Variants in DLG2 observed in about 807,000 individuals in gnomAD.
The protein encoded by DLG2 is disks large homolog 2.
In DLG2, 45 loss-of-function variants were observed where a neutral mutation model predicts 132.5. The ratio of observed to expected loss-of-function variants is 0.34; its 90% CI spans 0.27 to 0.44. The LOEUF (loss-of-function observed/expected upper bound fraction) is 0.44, where lower values mean the gene tolerates loss of function less well. Ranked by LOEUF, DLG2 falls within the 20% of genes least tolerant of loss-of-function variation. DLG2 has a pLI of 1.00. For synonymous variants in DLG2, 424 were observed against 419.6 expected, an observed-to-expected ratio of 1.01 and a Z score of -0.13; for missense variants, 1,045 against 1,196.9, an observed-to-expected ratio of 0.87 and a Z score of 1.87.
In DLG2 at chr11:84,502,254, C is replaced by T. The variant is rs1376822456; in HGVS notation, c.519+32316G>A. On this transcript the variant is annotated intron_variant, in intron 7 of 27. Coordinates refer to ENST00000376104, the MANE Select transcript of DLG2 (RefSeq NM_001142699.3). ...TCCTTCCTTCCTTCCTTCCTTCCTTCCTTCCTTCCTTCCTTCCTTCCTTCC... is the reference window on the plus strand; with the variant it reads ...TCCTTCCTTCCTTCCTTCCTTCCTTTCTTCCTTCCTTCCTTCCTTCCTTCC... Among the ~76,000 whole-genome samples, 5 of 43,126 alleles carry T rather than the reference C, an allele frequency of 1.2e-4. 1 individual carries two copies. Among genetic ancestry groups the T allele is most frequent in the African/African-American group, 6.9e-4 (2 of 2,912 alleles). The allele number at this position is 43,126 out of a possible 152,430, so 28.3% of individuals were successfully genotyped here.
intron 17 of DLG2, among the ~76,000 whole-genome samples, chr11:83,805,426 TATC>T (rs1169275581): frequency 6.6e-6 from 1 of 151,996 alleles, no homozygotes; most frequent in Non-Finnish European, 1.5e-5. Flanking sequence ...ATTTTTTATA[TATC>T]ATATTAGAAT....
At chr11:85,022,541 C>T (rs936157946) in intron 6 of DLG2, among the ~76,000 whole-genome samples, 9 of 151,942 alleles carry the variant, frequency 5.9e-5, no homozygotes, top group Non-Finnish European at 1.2e-4. Context: ...GCAAAGAACA[C>T]GGTTTGGATG....
At chr11:83,553,901 T>TC (rs1027814155) in intron 19 of DLG2, among the ~76,000 whole-genome samples, 80 of 138,286 alleles carry the variant, frequency 5.8e-4, no homozygotes, top group Middle Eastern at 3.3e-3. Flanking sequence ...TTTTTTTTCT[T>TC]TTTTTTTTTT....
intron 12 of DLG2, among the ~76,000 whole-genome samples, chr11:83,977,849 T>A (rs1305338613): frequency 6.6e-6 from 1 of 152,098 alleles, no homozygotes; most frequent in Non-Finnish European, 1.5e-5. Context: ...CTACTTTTAA[T>A]ACATACTTCA....
chr11:84,643,897 C>G (rs933607212), intron 6 of DLG2, among the ~76,000 whole-genome samples: 1 of 152,128 alleles, frequency 6.6e-6, no homozygotes, highest in Non-Finnish European at 1.5e-5. Flanking sequence ...ATCATTGTGC[C>G]AGGTAGTTTA....
At chr11:85,071,150 T>C (rs1453571827) in intron 6 of DLG2, among the ~76,000 whole-genome samples, 1 of 151,904 alleles carries the variant, frequency 6.6e-6, no homozygotes, top group African/African-American at 2.4e-5. Context: ...GAACACTGTC[T>C]AGCACATTAG....
intron 7 of DLG2, among the ~76,000 whole-genome samples, chr11:84,267,306 A>G (rs996377547): frequency 4.6e-5 from 7 of 152,236 alleles, no homozygotes; most frequent in Admixed American, 1.3e-4. Context: ...GGTTGAAGTA[A>G]GGAGGGAAAA....
At position 83,874,502 on chromosome 11, in the gene DLG2, C is replaced by T; in HGVS notation, c.1497-14G>A. 6.3e-7 allele frequency: 1 copy of T among 1,583,804 alleles called. No homozygotes were observed. Among genetic ancestry groups the T allele is most frequent in the South Asian group, 1.2e-5 (1 of 85,188 alleles). On this transcript the variant is annotated splice_polypyrimidine_tract_variant and intron_variant, in intron 15 of 27. Transcript: ENST00000376104. ...TGTTGGGAATGACTGCAAGAAAAGACAGAAGAAACACACATCATTTATTTA... is the reference window on the plus strand; with the variant it reads ...TGTTGGGAATGACTGCAAGAAAAGATAGAAGAAACACACATCATTTATTTA...
chr11:84,398,395 C>T (rs1171543025), intron 7 of DLG2, among the ~76,000 whole-genome samples: 2 of 152,116 alleles, frequency 1.3e-5, no homozygotes, highest in East Asian at 3.9e-4. Flanking sequence ...AGAGCTCATA[C>T]TGGTATCTAA....
At chr11:85,038,083 C>T (rs1242207748) in intron 6 of DLG2, among the ~76,000 whole-genome samples, 2 of 151,920 alleles carry the variant, frequency 1.3e-5, no homozygotes, top group East Asian at 1.9e-4. Flanking sequence ...GTAGAGCCTG[C>T]ATATGAATGA....
chr11:84,819,074 A>AACACACACAC (rs2077383400), intron 6 of DLG2, among the ~76,000 whole-genome samples: 1 of 19,120 alleles, frequency 5.2e-5, no homozygotes, highest in African/African-American at 1.2e-4. Flanking sequence ...CTCACTCACA[A>AACACACACAC]ATACACACAC....
intron 18 of DLG2, among the ~76,000 whole-genome samples, chr11:83,779,230 T>C (rs2094708378): frequency 6.6e-6 from 1 of 152,052 alleles, no homozygotes; most frequent in African/African-American, 2.4e-5. Flanking sequence ...GCTGGCTGGC[T>C]GGATAAAGGG....
chr11:84,385,535 A>C (rs1021240794), intron 7 of DLG2, among the ~76,000 whole-genome samples: 1 of 152,134 alleles, frequency 6.6e-6, no homozygotes, highest in African/African-American at 2.4e-5. Context: ...GTCACATCAT[A>C]ATCAGCCAAA....
chr11:84,887,652 T>C (rs1342120969), intron 6 of DLG2, among the ~76,000 whole-genome samples: 1 of 152,136 alleles, frequency 6.6e-6, no homozygotes, highest in African/African-American at 2.4e-5. Context: ...CGTCAAGCTG[T>C]GGAATAATAA....
intron 7 of DLG2, among the ~76,000 whole-genome samples, chr11:84,436,623 A>G (rs193163368): frequency 1.3e-5 from 2 of 152,348 alleles, no homozygotes; most frequent in East Asian, 3.9e-4. Context: ...CCCAGAAAGC[A>G]CTGGAGAATT....
At chr11:83,703,717 T>C (rs2083378583) in intron 18 of DLG2, among the ~76,000 whole-genome samples, 2 of 152,238 alleles carry the variant, frequency 1.3e-5, no homozygotes, top group African/African-American at 4.8e-5. Context: ...CCAATTATCT[T>C]GAAAAGCTTT....
At chr11:85,081,838 G>A (rs957699218) in intron 6 of DLG2, among the ~76,000 whole-genome samples, 21 of 152,092 alleles carry the variant, frequency 1.4e-4, no homozygotes, top group African/African-American at 4.6e-4. Context: ...GTATACAGCT[G>A]TCTATAAAGA....
chr11:83,655,294 C>T (rs2072018670), intron 18 of DLG2, among the ~76,000 whole-genome samples: 1 of 152,152 alleles, frequency 6.6e-6, no homozygotes, highest in South Asian at 2.1e-4. Flanking sequence ...GAATGAAAGA[C>T]AATAAACATG....
chr11:85,494,388 T>A (rs988332733), intron 3 of DLG2, among the ~76,000 whole-genome samples: 5 of 152,208 alleles, frequency 3.3e-5, no homozygotes, highest in African/African-American at 1.2e-4. Context: ...TGTGTCTAGT[T>A]ATATATTTAC....
Sources: gnomAD v4.1 joint callset for allele counts (sites outside exome capture counted in the v4.1 genomes callset) on GRCh38, gnomAD v4.1.1 for gene constraint, MANE v1.5 for transcripts, NCBI Gene and HGNC (gene_info 2026-07-23, HGNC 2026-07-21) for gene names.